The following DDX6 variants were observed in gnomAD, a reference collection of about 807,000 sequenced individuals.
DDX6 encodes the protein DEAD-box helicase 6, also known as probable ATP-dependent RNA helicase DDX6.
A neutral mutation model predicts 60.6 loss-of-function variants in DDX6; 7 were observed. That is an observed-to-expected ratio of 0.12 (90% CI 0.07 to 0.22). The LOEUF is 0.22. Ranked by LOEUF, DDX6 falls within the 10% of genes least tolerant of loss-of-function variation. The probability of loss-of-function intolerance (pLI) is 1.00; values close to 1 mark genes in which losing one functional copy is unlikely to be tolerated. For synonymous variants in DDX6, 207 were observed against 201.0 expected (o/e 1.03, Z -0.25); for missense variants, 270 against 589.9 (o/e 0.46, Z 5.62).
intron 6 of DDX6, 48 bp from the exon 7 acceptor site, chr11:118,763,354 CA>C: frequency 7.1e-7 from 1 of 1,400,532 alleles, no homozygotes. Context: ...TTAATTTGAG[CA>C]AAGAGGATAA....
chr11:118,782,664 G>A (rs1861939084), intron 2 of DDX6, among the ~76,000 whole-genome samples: 1 of 142,830 alleles, frequency 7.0e-6, no homozygotes, highest in Non-Finnish European at 1.5e-5. Flanking sequence ...TTTTTTCTGA[G>A]ATGGAGTCTT....
upstream of DDX6, chr11:118,791,359 G>C (rs546870737): frequency 5.5e-4 from 83 of 152,268 alleles, no homozygotes; most frequent in African/African-American, 1.9e-3. Context: ...GCTTCCTGAG[G>C]AGAAAATGGA....
chr11:118,767,013 A>G (rs1861377127), intron 5 of DDX6, among the ~76,000 whole-genome samples: 1 of 151,890 alleles, frequency 6.6e-6, no homozygotes, highest in Non-Finnish European at 1.5e-5. Flanking sequence ...AGCCTCCTTG[A>G]GTAGCTGGGA....
rs1360001602 is a variant in DDX6 at position 118,749,197 on chromosome 11, T to A, written c.*2908A>T. 2.6e-5 allele frequency: 4 copies of A among 151,050 alleles called. No homozygotes were observed. Among genetic ancestry groups the A allele is most frequent in the Non-Finnish European group, 5.9e-5 (4 of 67,782 alleles). The allele number at this position is 151,050 out of a possible 1,614,324, so 9.4% of individuals were successfully genotyped here. On this transcript the variant is annotated 3_prime_UTR_variant, in exon 14 of 14. Transcript: ENST00000534980. ...GTACAACCAAAGGCTAAATGATGAG[T>A]TGGATGTAGTTTTAATATTAAAAAT...
At chr11:118,784,087 CAA>C (rs61356183) in intron 2 of DDX6, among the ~76,000 whole-genome samples, 6 of 128,602 alleles carry the variant, frequency 4.7e-5, no homozygotes, top group Non-Finnish European at 4.8e-5. Flanking sequence ...GACCCTGTCT[CAA>C]AAAAAAAAAA....
At chr11:118,789,139 A>T (rs1355574016) in intron 1 of DDX6, 1 of 142,498 alleles carries the variant, frequency 7.0e-6, no homozygotes, top group Non-Finnish European at 1.5e-5. Context: ...GCAGTGGCAC[A>T]ATCTTGGCTC....
chr11:118,787,620 C>CAG (rs1862120430), intron 1 of DDX6: 1 of 152,086 alleles, frequency 6.6e-6, no homozygotes, highest in Non-Finnish European at 1.5e-5. Context: ...AGCCAGGTGA[C>CAG]AGAGACCTTG....
At chr11:118,774,829 GA>G (rs1182948974) in intron 4 of DDX6, among the ~76,000 whole-genome samples, 13 of 151,768 alleles carry the variant, frequency 8.6e-5, no homozygotes, top group African/African-American at 2.4e-4. Context: ...ATATTTAGGG[GA>G]AAAAAAATGC....
chr11:118,759,919 C>T lies in DDX6; in HGVS notation c.864+3G>A, dbSNP rs1861108556. ...CTGATTCCAAGTACAGATTTATACT[C>T]ACCATGAACTTCTGTACACTAAGAG... On this transcript the variant is annotated splice_donor_region_variant and intron_variant, in intron 8 of 13. Transcript: ENST00000534980. 1 of 1,612,192 alleles carries T rather than the reference C, an allele frequency of 6.2e-7. No individual in the cohort carries two copies. The highest frequency in any genetic ancestry group is 1.7e-5 in the Admixed American group (1 of 59,628).
At chr11:118,773,888 CA>C (rs1355181673) in intron 4 of DDX6, among the ~76,000 whole-genome samples, 1 of 150,078 alleles carries the variant, frequency 6.7e-6, no homozygotes. Context: ...AACAAACAAA[CA>C]AAAAAAACCT....
Position 118,749,669 on chromosome 11 carries a change from A to C in DDX6, c.*2436T>G, listed in dbSNP as rs1325112078. On this transcript the variant is annotated 3_prime_UTR_variant, in exon 14 of 14. Transcript: ENST00000534980. ...CACACGTTCTCTAGCGAGATACAGAATTGCATTTATACTCTTTTCTTCTAC... is the reference window on the plus strand; with the variant it reads ...CACACGTTCTCTAGCGAGATACAGACTTGCATTTATACTCTTTTCTTCTAC... 1 of 152,636 alleles carries C rather than the reference A, an allele frequency of 6.6e-6. No homozygotes were observed. Among genetic ancestry groups the C allele is most frequent in the Non-Finnish European group, 1.5e-5 (1 of 68,032 alleles). The allele number at this position is 152,636 out of a possible 1,614,324, so 9.5% of individuals were successfully genotyped here. A position where few individuals can be genotyped will look rare whatever the true frequency, so the allele number is the denominator to read the frequency against.
chr11:118,783,204 C>A (rs1352316387), intron 2 of DDX6, among the ~76,000 whole-genome samples: 1 of 152,062 alleles, frequency 6.6e-6, no homozygotes, highest in Non-Finnish European at 1.5e-5. Context: ...AACCGCAGAA[C>A]TGAAAAGAAA....
Position 118,779,683 on chromosome 11 carries a change from C to G in DDX6, c.318G>C (p.Glu106Asp). Residue 106 changes from glutamate to aspartate, a missense_variant, in exon 4 of 14, where the codon GAG becomes GAC. Glu to Asp is a conservative substitution (Grantham distance 45). Around this residue, in one of 8 missense-constraint regions of DDX6, gnomAD observed 14 missense variants for 67.4 expected, o/e 0.21. Transcript: ENST00000534980. ...NEFEDYCLKR[E>D]LLMGIFEMGW... The stretch of plus-strand genomic sequence containing the variant: ...CCATTTCAAAAATTCCCATCAGTAA[C>G]TCCCGTTTCAAACAGTAATCTTCAA... 6.2e-7 allele frequency: 1 copy of G among 1,612,428 alleles called. No homozygotes were observed. Among genetic ancestry groups the G allele is most frequent in the Non-Finnish European group, 8.5e-7 (1 of 1,179,184 alleles).
intron 8 of DDX6, 150 bp from the exon 9 acceptor site, chr11:118,759,052 T>C: frequency 1.9e-6 from 2 of 1,065,308 alleles, no homozygotes; most frequent in Middle Eastern, 3.4e-4. Flanking sequence ...TGATCTGTCA[T>C]TACAGAATTT....
chr11:118,770,756 C>G (rs1861509103), intron 4 of DDX6, among the ~76,000 whole-genome samples: 1 of 151,888 alleles, frequency 6.6e-6, no homozygotes, highest in South Asian at 2.1e-4. Flanking sequence ...ATGGTGCGCA[C>G]CTGTAGTCCC....
intron 1 of DDX6, among the ~76,000 whole-genome samples, chr11:118,790,568 C>T (rs1206446156): frequency 6.6e-6 from 1 of 152,146 alleles, no homozygotes; most frequent in Non-Finnish European, 1.5e-5. Flanking sequence ...TACCCTATAA[C>T]CTCCACCATC....
rs1332777876 is a variant in DDX6, at chr11:118,758,647, G to C, written c.993+127C>G. On this transcript the variant is annotated intron_variant, in intron 9 of 13. Coordinates refer to ENST00000534980, the MANE Select transcript of DDX6 (RefSeq NM_004397.6). ...CAGCCTCCAAAGTGCTGGGAGGCAT[G>C]AGCCACCGTGCCAAGCCAGAAACAC... The C allele has an allele frequency of 4.4e-6, 5 of 1,147,234 alleles. No individual in the cohort carries two copies. In the Admixed American group the frequency reaches 1.1e-4, roughly 26 times the overall value. The allele number at this position is 1,147,234 out of a possible 1,614,324, so 71.1% of individuals were successfully genotyped here. A position where few individuals can be genotyped will look rare whatever the true frequency, so the allele number is the denominator to read the frequency against.
chr11:118,762,666 C>A (rs1392703499), intron 7 of DDX6, among the ~76,000 whole-genome samples: 2 of 152,148 alleles, frequency 1.3e-5, no homozygotes, highest in African/African-American at 4.8e-5. Context: ...ATTCAAAGTA[C>A]AGTTTCTAAT....
In DDX6 at chr11:118,779,649, T is replaced by G; in HGVS notation, c.352A>C (p.Lys118Gln). The change falls in exon 4 of 14, where the codon AAG (lysine) becomes CAG (glutamine). Residue 118 changes from lysine (K) to glutamine (Q), a missense_variant. By Grantham distance (53) the Lys-to-Gln change is moderately conservative. Around this residue, in one of 8 missense-constraint regions of DDX6, gnomAD observed 14 missense variants for 67.4 expected, o/e 0.21. Transcript: ENST00000534980. ...TAACATACCTGAATAGGAGATGGCT[T>G]TTCCCAGCCCATTTCAAAAATTCCC... The part of the protein sequence containing the change: ...LMGIFEMGWE[K>Q]PSPIQEESIP... The G allele has an allele frequency of 6.2e-7, 1 of 1,610,162 alleles. No homozygotes were observed. The highest frequency in any genetic ancestry group is 8.5e-7 in the Non-Finnish European group (1 of 1,177,986).
Sources: gnomAD v4.1 joint callset for allele counts (sites outside exome capture counted in the v4.1 genomes callset) on GRCh38, gnomAD v4.1.1 for gene constraint, gnomAD v4.1.1 regional missense constraint, MANE v1.5 for transcripts, NCBI Gene and HGNC (gene_info 2026-07-23, HGNC 2026-07-21) for gene names.